The following ADGRL3 variants were observed in gnomAD, a reference collection of about 807,000 sequenced individuals.
ADGRL3 encodes calcium-independent alpha-latrotoxin receptor 3.
In ADGRL3, 62 loss-of-function variants were observed where a neutral mutation model predicts 153.5. The observed-to-expected ratio is 0.40, with a 90% CI of 0.33 to 0.50. ADGRL3 has a LOEUF of 0.50. Ranked by LOEUF, ADGRL3 falls within the 20% of genes least tolerant of loss-of-function variation. The pLI is 0.47. For missense variants in ADGRL3, 1,641 were observed against 1,859.4 expected (o/e 0.88, Z 2.16); for synonymous variants, 710 against 672.5 (o/e 1.06, Z -0.86).
At chr4:61,630,792 A>G (rs2093116472) in intron 5 of ADGRL3, among the ~76,000 whole-genome samples, 1 of 152,222 alleles carries the variant, frequency 6.6e-6, no homozygotes, top group African/African-American at 2.4e-5. Flanking sequence ...ACAGGGAAAT[A>G]GATGGTAGTT....
intron 1 of ADGRL3, among the ~76,000 whole-genome samples, chr4:61,233,647 A>G (rs1266063777): frequency 6.6e-6 from 1 of 152,162 alleles, no homozygotes; most frequent in Non-Finnish European, 1.5e-5. Flanking sequence ...AAATGAAATA[A>G]ATGTATACAT....
At chr4:61,347,451 C>T (rs2095943624) in intron 1 of ADGRL3, among the ~76,000 whole-genome samples, 1 of 152,086 alleles carries the variant, frequency 6.6e-6, no homozygotes, top group Non-Finnish European at 1.5e-5. Context: ...GTATGTAATT[C>T]ATGACTACTT....
intron 4 of ADGRL3, among the ~76,000 whole-genome samples, chr4:61,553,110 A>G (rs944207340): frequency 6.6e-6 from 1 of 152,206 alleles, no homozygotes; most frequent in Non-Finnish European, 1.5e-5. Flanking sequence ...AGAAATAAGC[A>G]TAGTTCGTAG....
rs967128842 is a variant in ADGRL3 at position 61,746,565 on chromosome 4, A to G, written c.1399+13011A>G. On this transcript the variant is annotated intron_variant, in intron 8 of 26. Transcript: ENST00000683033. ...AGGATTAAGAAACTCACTCAAAACC[A>G]CTCAACTACATGGAAACTGAACAAC... 1.1e-3 allele frequency among the ~76,000 whole-genome samples: 172 copies of G among 152,140 alleles called. 1 individual carries two copies. In the Middle Eastern group the frequency reaches 0.017, roughly 15 times the overall value.
intron 2 of ADGRL3, among the ~76,000 whole-genome samples, chr4:61,493,494 T>C (rs936759628): frequency 1.3e-5 from 2 of 152,240 alleles, no homozygotes; most frequent in African/African-American, 2.4e-5. Context: ...TTGTAAAATA[T>C]GTATCATATG....
intron 1 of ADGRL3, among the ~76,000 whole-genome samples, chr4:61,364,548 T>G (rs1578445088): frequency 1.3e-5 from 2 of 152,114 alleles, no homozygotes; most frequent in Non-Finnish European, 2.9e-5. Context: ...TATACAACTT[T>G]CTTCCACAGG....
chr4:61,793,191 G>A (rs182161686), intron 8 of ADGRL3, among the ~76,000 whole-genome samples: 205 of 152,152 alleles, frequency 1.3e-3, no homozygotes, highest in Middle Eastern at 3.4e-3. Flanking sequence ...TTGGGAGGCC[G>A]AGGCAGGTGG....
chr4:61,474,851 A>G (rs1373470494), intron 2 of ADGRL3, among the ~76,000 whole-genome samples: 2 of 152,132 alleles, frequency 1.3e-5, no homozygotes, highest in Admixed American at 1.3e-4. Context: ...AATGTAGTAT[A>G]TCTCTTCCAA....
intron 5 of ADGRL3, among the ~76,000 whole-genome samples, chr4:61,662,312 A>G (rs976861908): frequency 6.6e-6 from 1 of 152,018 alleles, no homozygotes; most frequent in African/African-American, 2.4e-5. Context: ...GCATTACTGT[A>G]CTCTTAGGGG....
chr4:61,477,368 T>TACAC (rs5858703), intron 2 of ADGRL3, among the ~76,000 whole-genome samples: 1,510 of 150,288 alleles, frequency 0.01, 33 homozygotes, highest in African/African-American at 0.035. Flanking sequence ...ATAGTGATGT[T>TACAC]ACACACACAC....
chr4:61,653,870 T>C (rs1285351749), intron 5 of ADGRL3, among the ~76,000 whole-genome samples: 6 of 152,160 alleles, frequency 3.9e-5, no homozygotes, highest in African/African-American at 1.4e-4. Context: ...ATAGAGAATA[T>C]GAATAAGTGA....
rs1007530874 is a variant in ADGRL3 at position 61,228,939 on chromosome 4, G to A, written c.-240+27174G>A. 1.3e-4 allele frequency among the ~76,000 whole-genome samples: 20 copies of A among 152,088 alleles called. 1 individual carries two copies. The highest frequency in any genetic ancestry group is 3.1e-4 in the African/African-American group (13 of 41,414). On this transcript the variant is annotated intron_variant, in intron 1 of 26. Coordinates refer to ENST00000683033, the MANE Select transcript of ADGRL3 (RefSeq NM_001387552.1). Reference sequence around the variant, plus strand: ...ACTCCTGACCTCAAGCAATCTATCCGCCTCAACCTCCCACAGTGCTGGAAT... The same window carrying A: ...ACTCCTGACCTCAAGCAATCTATCCACCTCAACCTCCCACAGTGCTGGAAT...
chr4:62,031,567 A>G lies in ADGRL3; in HGVS notation c.3548A>G (p.Gln1183Arg). 6.2e-7 allele frequency: 1 copy of G among 1,610,092 alleles called. No homozygotes were observed. Among genetic ancestry groups the G allele is most frequent in the Non-Finnish European group, 8.5e-7 (1 of 1,177,160 alleles). ...AYLFTIFNSLQGMFIFIFHCV... is the reference protein window; with the variant it reads ...AYLFTIFNSLRGMFIFIFHCV... Reference sequence around the variant, plus strand: ...CTCTTCACCATTTTCAATTCTCTACAGGGAATGTTTATATTTATTTTCCAT... The same window carrying G: ...CTCTTCACCATTTTCAATTCTCTACGGGGAATGTTTATATTTATTTTCCAT... The change falls in exon 23 of 27, where the codon CAG becomes CGG. Residue 1183 changes from glutamine to arginine, a missense_variant. Physicochemically the swap from Gln to Arg is conservative, Grantham distance 43 (BLOSUM62 1). This residue lies in a region of ADGRL3 where 517 missense variants were observed against 555.0 expected (regional missense o/e 0.93). Transcript: ENST00000683033.
intron 2 of ADGRL3, among the ~76,000 whole-genome samples, chr4:61,482,004 A>T (rs1470771629): frequency 6.6e-6 from 1 of 152,186 alleles, no homozygotes; most frequent in Admixed American, 6.5e-5. Flanking sequence ...ACATCACTAA[A>T]ATATAAATCA....
Position 61,760,443 on chromosome 4 carries a change from A to C in ADGRL3, c.1399+26889A>C, listed in dbSNP as rs1326530866. 2.0e-5 allele frequency among the ~76,000 whole-genome samples: 3 copies of C among 152,316 alleles called. No homozygotes were observed. In the Middle Eastern group the frequency reaches 0.01, roughly 518 times the overall value. ...GGAATAAGCGAGGCTCCGTGGGCGTAGGACCCTCTGAGCCAGGCACGGGAT... is the reference window on the plus strand; with the variant it reads ...GGAATAAGCGAGGCTCCGTGGGCGTCGGACCCTCTGAGCCAGGCACGGGAT... On this transcript the variant is annotated intron_variant, in intron 8 of 26. Coordinates refer to ENST00000683033, the MANE Select transcript of ADGRL3 (RefSeq NM_001387552.1).
Position 61,677,010 on chromosome 4 carries a change from C to T in ADGRL3, c.583+75C>T, listed in dbSNP as rs1380992793. ...TGTTTTGCATGCATTGACAAATATT[C>T]TCTATGAAAACATAAATCACGTAAA... On this transcript the variant is annotated intron_variant, in intron 6 of 26. Transcript: ENST00000683033. 4 of 935,740 alleles carry T rather than the reference C, an allele frequency of 4.3e-6. No individual in the cohort carries two copies. The East Asian group carries it at 9.7e-5, about 23-fold the overall frequency. 58.0% of individuals were successfully genotyped at this position (935,740 alleles called of 1,614,324 possible). A position where few individuals can be genotyped will look rare whatever the true frequency, so the allele number is the denominator to read the frequency against.
intron 2 of ADGRL3, among the ~76,000 whole-genome samples, chr4:61,438,232 C>G (rs1275163224): frequency 6.6e-6 from 1 of 152,054 alleles, no homozygotes; most frequent in Non-Finnish European, 1.5e-5. Flanking sequence ...TTTAGTACCT[C>G]TTTTGGAAAA....
intron 2 of ADGRL3, among the ~76,000 whole-genome samples, chr4:61,464,430 T>C (rs764448067): frequency 1.1e-4 from 17 of 152,194 alleles, no homozygotes; most frequent in Non-Finnish European, 2.4e-4. Context: ...GCTCCCTCAA[T>C]TGACCAGGAT....
intron 5 of ADGRL3, among the ~76,000 whole-genome samples, chr4:61,629,584 G>A (rs1343633581): frequency 6.6e-6 from 1 of 151,068 alleles, no homozygotes; most frequent in Non-Finnish European, 1.5e-5. Context: ...GGGTGTGGTA[G>A]TGGAAGCCTG....
Sources: gnomAD v4.1 joint callset for allele counts (sites outside exome capture counted in the v4.1 genomes callset) on GRCh38, gnomAD v4.1.1 for gene constraint, gnomAD v4.1.1 regional missense constraint, MANE v1.5 for transcripts, NCBI Gene and HGNC (gene_info 2026-07-23, HGNC 2026-07-21) for gene names.